The following SYNE2 variants were observed in gnomAD, a reference collection of about 807,000 sequenced individuals.
The protein encoded by SYNE2 is spectrin repeat containing nuclear envelope protein 2, also known as nesprin-2.
SYNE2 carries 431 observed loss-of-function variants against 856.3 expected under a neutral mutation model. The ratio of observed to expected loss-of-function variants is 0.50; its 90% CI spans 0.47 to 0.55. The LOEUF is 0.55. Ranked by LOEUF, SYNE2 falls within the 20% of genes least tolerant of loss-of-function variation. The pLI is 0.00. For missense variants in SYNE2, 8,129 were observed against 8,023.2 expected (o/e 1.01, Z -0.50); for synonymous variants, 2,923 against 2,872.3 (o/e 1.02, Z -0.56).
intron 14 of SYNE2, among the ~76,000 whole-genome samples, chr14:63,979,224 A>T (rs2096567370): frequency 6.6e-6 from 1 of 152,194 alleles, no homozygotes; most frequent in Admixed American, 6.5e-5. Flanking sequence ...AAATATCACT[A>T]CTTACTACCC....
At chr14:64,035,839 AT>A (rs1347179569) in intron 45 of SYNE2, among the ~76,000 whole-genome samples, 6 of 150,840 alleles carry the variant, frequency 4.0e-5, no homozygotes, top group Admixed American at 2.0e-4. Flanking sequence ...GACTCCAGGC[AT>A]GTATCACAAT....
In SYNE2 at chr14:64,078,514, A is replaced by G. The variant is rs147104686; in HGVS notation, c.11071A>G (p.Lys3691Glu). 6.8e-6 allele frequency: 11 copies of G among 1,614,058 alleles called. No individual in the cohort carries two copies. Among genetic ancestry groups the G allele is most frequent in the Non-Finnish European group, 9.3e-6 (11 of 1,180,012 alleles). Residue 3691 changes from lysine (K) to glutamate (E), a missense_variant, in exon 55 of 116, where the codon AAA (lysine) becomes GAA (glutamate). Lys to Glu is a moderately conservative substitution (Grantham distance 56). This residue lies in a region of SYNE2 where 5,410 missense variants were observed against 5,284.8 expected (regional missense o/e 1.02). Transcript: ENST00000555002. Reference sequence around the variant, plus strand: ...CTCACCATCATATGCAATGAGGAGAAAAATAGAAGAAATTAACAATGGGCT... The same window carrying G: ...CTCACCATCATATGCAATGAGGAGAGAAATAGAAGAAATTAACAATGGGCT... The part of the protein sequence containing the change: ...KSSPSYAMRR[K>E]IEEINNGLHN...
At chr14:63,958,907 A>C (rs777924451) in intron 8 of SYNE2, among the ~76,000 whole-genome samples, 15 of 152,154 alleles carry the variant, frequency 9.9e-5, no homozygotes, top group Non-Finnish European at 1.9e-4. Flanking sequence ...TTACGCTCAA[A>C]GTTTTGTCCA....
intron 79 of SYNE2, among the ~76,000 whole-genome samples, chr14:64,139,242 C>G (rs112810996): frequency 6.6e-6 from 1 of 151,428 alleles, no homozygotes; most frequent in African/African-American, 2.4e-5. Context: ...CTTGTTACCC[C>G]AAAGTGCTGG....
intron 71 of SYNE2, 65 bp from the exon 72 acceptor site, chr14:64,126,262 C>T (rs1021166846): frequency 6.9e-7 from 1 of 1,449,374 alleles, no homozygotes; most frequent in Non-Finnish European, 9.7e-7. Context: ...GGAAACTAGG[C>T]AAAATATAGG....
chr14:64,137,931 A>G lies in SYNE2; in HGVS notation c.14791A>G (p.Lys4931Glu), dbSNP rs145031656. The change falls in exon 79 of 116, where the codon AAA becomes GAA. Residue 4931 changes from lysine to glutamate, a missense_variant. Transcript: ENST00000555002. ...AGAGCAGTGGTTGTCCCTGAACAAGAAAATTGACCATGAGCTCCACAGGCT... is the reference window on the plus strand; with the variant it reads ...AGAGCAGTGGTTGTCCCTGAACAAGGAAATTGACCATGAGCTCCACAGGCT... ...LEEQWLSLNKKIDHELHRLQA... is the reference protein window; with the variant it reads ...LEEQWLSLNKEIDHELHRLQA... The G allele has an allele frequency of 1.2e-5, 20 of 1,614,164 alleles. No homozygotes were observed. The highest frequency in any genetic ancestry group is 1.5e-5 in the Non-Finnish European group (18 of 1,180,024).
At chr14:63,863,419 T>G (rs1331203545) in intron 1 of SYNE2, among the ~76,000 whole-genome samples, 1 of 152,214 alleles carries the variant, frequency 6.6e-6, no homozygotes, top group East Asian at 1.9e-4. Context: ...TTGTATCACT[T>G]ATGACTGAGA....
intron 2 of SYNE2, among the ~76,000 whole-genome samples, chr14:63,917,017 GAGTT>G: frequency 1.3e-5 from 2 of 152,252 alleles, no homozygotes; most frequent in African/African-American, 4.8e-5. Flanking sequence ...TTGAGCCCAA[GAGTT>G]GAGCCTGCAG....
In SYNE2 at chr14:64,218,132, A is replaced by G. The variant is rs867082412; in HGVS notation, c.19543-266A>G. The G allele has an allele frequency of 2.5e-4, 107 of 426,840 alleles. No homozygotes were observed. In the Middle Eastern group the frequency reaches 3.6e-3, roughly 14 times the overall value. 26.4% of individuals were successfully genotyped at this position (426,840 alleles called of 1,614,324 possible). Reference sequence around the variant, plus strand: ...TTGAGGGGTGTTTGGAAGCATGCCAATTGAAACAGACCCTTTTCTTCCCAT... The same window carrying G: ...TTGAGGGGTGTTTGGAAGCATGCCAGTTGAAACAGACCCTTTTCTTCCCAT... On this transcript the variant is annotated intron_variant, in intron 108 of 115. Coordinates refer to ENST00000555002, the MANE Select transcript of SYNE2 (RefSeq NM_182914.3).
At chr14:64,009,397 A>G (rs1031867099) in intron 31 of SYNE2, among the ~76,000 whole-genome samples, 5 of 151,982 alleles carry the variant, frequency 3.3e-5, no homozygotes, top group African/African-American at 1.2e-4. Context: ...TTAGCCAGGC[A>G]TGGTGGCACT....
At chr14:64,119,367 G>T in intron 66 of SYNE2, 60 bp from the exon 67 acceptor site, 1 of 1,595,576 alleles carries the variant, frequency 6.3e-7, no homozygotes, top group Non-Finnish European at 8.6e-7. Flanking sequence ...TAACTTGTTT[G>T]CAGGCACAAT....
chr14:64,019,521 A>T (rs1441210568), intron 34 of SYNE2, among the ~76,000 whole-genome samples: 1 of 152,192 alleles, frequency 6.6e-6, no homozygotes, highest in Non-Finnish European at 1.5e-5. Flanking sequence ...TGATTTTCTA[A>T]GTATAAATGA....
At chr14:64,033,225 T>C (rs1358714563) in intron 45 of SYNE2, among the ~76,000 whole-genome samples, 5 of 152,164 alleles carry the variant, frequency 3.3e-5, no homozygotes, top group Non-Finnish European at 1.5e-5. Flanking sequence ...TTCTATGAGA[T>C]AGGCTGTACA....
At chr14:64,129,406 G>A (rs960360763) in intron 74 of SYNE2, among the ~76,000 whole-genome samples, 1 of 152,218 alleles carries the variant, frequency 6.6e-6, no homozygotes, top group Non-Finnish European at 1.5e-5. Flanking sequence ...ATTGAGAGCT[G>A]ACTGATAACA....
In SYNE2 at chr14:64,056,265, A is replaced by C. The variant is rs1242868494; in HGVS notation, c.10066A>C (p.Arg3356=). The C allele has an allele frequency of 4.3e-6, 7 of 1,613,318 alleles. No individual in the cohort carries two copies. The highest frequency in any genetic ancestry group is 5.9e-6 in the Non-Finnish European group (7 of 1,179,444). The part of the protein sequence containing the change: ...AFKAQETEAE[R]YLENYKCYRK... Reference sequence around the variant, plus strand: ...CAAAGCACAGGAAACTGAGGCAGAAAGGTAGGTCCTCTTCCAAAGGTAATC... The same window carrying C: ...CAAAGCACAGGAAACTGAGGCAGAACGGTAGGTCCTCTTCCAAAGGTAATC... The change falls in exon 49 of 116, where the codon AGG becomes CGG. Residue 3356 remains arginine, a splice_region_variant and synonymous_variant. Transcript: ENST00000555002.
intron 1 of SYNE2, among the ~76,000 whole-genome samples, chr14:63,800,636 A>G (rs1439768433): frequency 3.3e-5 from 5 of 152,236 alleles, no homozygotes; most frequent in African/African-American, 9.6e-5. Flanking sequence ...TAGCCATAAA[A>G]AAGAAAAAGA....
At chr14:63,916,949 G>A (rs770246892) in intron 2 of SYNE2, among the ~76,000 whole-genome samples, 16 of 152,136 alleles carry the variant, frequency 1.1e-4, no homozygotes, top group Non-Finnish European at 2.4e-4. Flanking sequence ...AATTAGCTGG[G>A]CATGGCAACA....
At chr14:63,876,397 C>T (rs2094718663) in intron 1 of SYNE2, among the ~76,000 whole-genome samples, 1 of 151,984 alleles carries the variant, frequency 6.6e-6, no homozygotes, top group African/African-American at 2.4e-5. Context: ...GAGCAAGACC[C>T]TGTCTCAAAA....
chr14:64,013,245 T>C lies in SYNE2; in HGVS notation c.4728+3129T>C, dbSNP rs182378609. Among the ~76,000 whole-genome samples the C allele has an allele frequency of 3.9e-3, 589 of 152,224 alleles. 9 individuals carry two copies. Among genetic ancestry groups the C allele is most frequent in the Admixed American group, 0.028 (425 of 15,294 alleles). On this transcript the variant is annotated intron_variant, in intron 32 of 115. Coordinates refer to ENST00000555002, the MANE Select transcript of SYNE2 (RefSeq NM_182914.3). The stretch of plus-strand genomic sequence containing the variant: ...AAAAAATTTAGTTTGTTCAAATAAA[T>C]GAAGTATATCAATTAAATGAAAATT...
Sources: allele counts gnomAD v4.1 joint callset (sites outside exome capture counted in the v4.1 genomes callset), GRCh38; gene constraint gnomAD v4.1.1; regional missense constraint gnomAD v4.1.1; transcripts MANE v1.5; gene names NCBI Gene and HGNC (gene_info 2026-07-23, HGNC 2026-07-21).